Variants in ZNF773 observed in about 807,000 individuals in gnomAD.
ZNF773 encodes zinc finger protein 773, also known as zinc finger protein 419B.
A neutral mutation model predicts 12.8 loss-of-function variants in ZNF773; 11 were observed. That is an observed-to-expected ratio of 0.86 (90% CI 0.54 to 1.42). The LOEUF is 1.42. Ranked by LOEUF, ZNF773 falls within the 40% of genes most tolerant of loss-of-function variation. ZNF773 has a pLI of 0.00. For synonymous variants in ZNF773, 175 were observed against 178.4 expected (o/e 0.98, Z 0.15); for missense variants, 518 against 527.2 (o/e 0.98, Z 0.17).
chr19:57,515,235 A>G (rs7247249), downstream of ZNF773: 93,081 of 152,032 alleles, frequency 0.61, 28,985 homozygotes, highest in East Asian at 0.75. Context: ...CATATTTGCT[A>G]TCACACACAA....
At chr19:57,505,084 C>G in intron 2 of ZNF773, 1 of 709,622 alleles carries the variant, frequency 1.4e-6, no homozygotes, top group East Asian at 2.7e-5. Context: ...TGTGGTAGTT[C>G]TATTCCCCTA....
At chr19:57,509,382 C>A (rs2089778600), downstream of ZNF773, among the ~76,000 whole-genome samples, 1 of 152,088 alleles carries the variant, frequency 6.6e-6, no homozygotes, top group South Asian at 2.1e-4. Flanking sequence ...TGTGAGATAT[C>A]CTAGCAAGCA....
chr19:57,515,861 T>G (rs1305380765), downstream of ZNF773: 1 of 152,216 alleles, frequency 6.6e-6, no homozygotes, highest in Non-Finnish European at 1.5e-5. Context: ...AAAATTACAT[T>G]TAGCCTTATT....
In ZNF773 at chr19:57,506,848, CTG is replaced by C; in HGVS notation, c.756_757del (p.Cys252TrpfsTer5). On this transcript the variant is annotated frameshift_variant, in exon 4 of 4. Transcript: ENST00000282292. LOFTEE classifies it low-confidence loss of function (END_TRUNC). ...GAGAAAGGCCTTATGGGTGTAGTGACTGTGGAAAATCCTTTAGCCGTAATGCT... is the reference window on the plus strand; with the variant it reads ...GAGAAAGGCCTTATGGGTGTAGTGACTGGAAAATCCTTTAGCCGTAATGCT... ...TGERPYGCSD[C>X]GKSFSRNADL... 1.9e-6 allele frequency: 3 copies of C among 1,613,022 alleles called. No individual in the cohort carries two copies. The highest frequency in any genetic ancestry group is 8.5e-7 in the Non-Finnish European group (1 of 1,179,728).
chr19:57,506,564 C>G lies in ZNF773; in HGVS notation c.469C>G (p.Leu157Val). The G allele has an allele frequency of 6.2e-7, 1 of 1,614,210 alleles. No individual in the cohort carries two copies. Among genetic ancestry groups the G allele is most frequent in the Non-Finnish European group, 8.5e-7 (1 of 1,180,030 alleles). ...LQSREVGKDLLTSSGVLKHQV... is the reference protein window; with the variant it reads ...LQSREVGKDLVTSSGVLKHQV... ...AAGCAGGGAAGTTGGGAAGGATCTT[C>G]TGACCAGCTCAGGTGTTCTCAAGCA... The change falls in exon 4 of 4, where the codon CTG becomes GTG. Residue 157 changes from leucine (L) to valine (V), a missense_variant. By Grantham distance (32) the Leu-to-Val change is conservative. Coordinates refer to ENST00000282292, the MANE Select transcript of ZNF773 (RefSeq NM_198542.3).
downstream of ZNF773, chr19:57,517,794 T>C (rs1410468130): frequency 6.6e-6 from 1 of 152,234 alleles, no homozygotes; most frequent in African/African-American, 2.4e-5. Context: ...ATATTAATGA[T>C]TCACAAAGTA....
chr19:57,509,621 G>A (rs754424148), downstream of ZNF773, among the ~76,000 whole-genome samples: 31 of 152,108 alleles, frequency 2.0e-4, no homozygotes, highest in Non-Finnish European at 3.5e-4. Context: ...ACAAACTTAC[G>A]GTTTAAACAA....
downstream of ZNF773, among the ~76,000 whole-genome samples, chr19:57,509,939 A>G (rs1227892256): frequency 3.3e-5 from 5 of 152,228 alleles, no homozygotes; most frequent in African/African-American, 4.8e-5. Context: ...ACACTTCTGA[A>G]CTATATGAAA....
chr19:57,507,395 C>T lies in ZNF773; in HGVS notation c.1300C>T (p.Arg434Ter), dbSNP rs201643468. ...FRHSSSLVKH[R>*]RIHTGEIQ ...CCACAGCTCCAGTCTTGTTAAACATCGAAGGATTCACACTGGAGAAATACA... is the reference window on the plus strand; with the variant it reads ...CCACAGCTCCAGTCTTGTTAAACATTGAAGGATTCACACTGGAGAAATACA... The change falls in exon 4 of 4, where the codon CGA (arginine) becomes TGA (stop). Residue 434 changes from arginine to a stop codon, truncating the protein, a stop_gained. Transcript: ENST00000282292. LOFTEE classifies it low-confidence loss of function (END_TRUNC). 10 of 1,607,528 alleles carry T rather than the reference C, an allele frequency of 6.2e-6. No homozygotes were observed. The African/African-American group carries it at 6.7e-5, about 11-fold the overall frequency.
chr19:57,516,443 A>G (rs1236123749), downstream of ZNF773: 3 of 152,466 alleles, frequency 2.0e-5, no homozygotes, highest in Non-Finnish European at 4.4e-5. Flanking sequence ...ATATATCATG[A>G]TCAGGGAGCA....
chr19:57,503,652 G>A (rs2089693597), intron 1 of ZNF773, among the ~76,000 whole-genome samples: 2 of 145,604 alleles, frequency 1.4e-5, no homozygotes, highest in South Asian at 2.2e-4. Flanking sequence ...TTTGGGAGAC[G>A]TGGGCTTTTT....
At chr19:57,505,236 C>G (rs1323956067) in intron 2 of ZNF773, 66 bp from the exon 3 acceptor site, 1 of 1,500,300 alleles carries the variant, frequency 6.7e-7, no homozygotes, top group East Asian at 2.3e-5. Context: ...TGTTTTCTTT[C>G]CTGTGGTCCA....
chr19:57,505,585 C>G (rs1287547188), intron 3 of ZNF773, among the ~76,000 whole-genome samples, 185 bp downstream of exon 3: 1 of 152,160 alleles, frequency 6.6e-6, no homozygotes, highest in Non-Finnish European at 1.5e-5. Context: ...CATTCCCCAC[C>G]TCTCTGTACT....
In ZNF773 at chr19:57,504,653, T is replaced by C; in HGVS notation, c.34-4T>C. ...GCAGATAAACTCAACTCTGTCCATC[T>C]TAGCAGGGCTATGTGACCTTTGAGG... On this transcript the variant is annotated splice_region_variant and splice_polypyrimidine_tract_variant and intron_variant, in intron 1 of 3. Coordinates refer to ENST00000282292, the MANE Select transcript of ZNF773 (RefSeq NM_198542.3). The C allele has an allele frequency of 6.2e-7, 1 of 1,614,014 alleles. No individual in the cohort carries two copies. The highest frequency in any genetic ancestry group is 8.5e-7 in the Non-Finnish European group (1 of 1,179,944).
Position 57,506,470 on chromosome 19 carries a change from A to G in ZNF773, c.375A>G (p.Leu125=). The G allele has an allele frequency of 1.2e-6, 2 of 1,614,234 alleles. No individual in the cohort carries two copies. Among genetic ancestry groups the G allele is most frequent in the Non-Finnish European group, 1.7e-6 (2 of 1,180,040 alleles). The change falls in exon 4 of 4, where the codon TTA becomes TTG. Residue 125 remains leucine (L), a synonymous_variant. Transcript: ENST00000282292. ...HQKQHCGEKP[L]KRQEGRVPVL... ...AGCAGCACTGTGGAGAGAAACCCTTAAAAAGACAAGAGGGCAGGGTCCCAG... is the reference window on the plus strand; with the variant it reads ...AGCAGCACTGTGGAGAGAAACCCTTGAAAAGACAAGAGGGCAGGGTCCCAG...
At chr19:57,504,577 G>A (rs1435741404) in intron 1 of ZNF773, 80 bp from the exon 2 acceptor site, 3 of 1,582,110 alleles carry the variant, frequency 1.9e-6, no homozygotes, top group Non-Finnish European at 2.6e-6. Flanking sequence ...GGAAGAGGGT[G>A]AGCAGGGGTG....
downstream of ZNF773, among the ~76,000 whole-genome samples, chr19:57,512,687 A>T (rs1431571031): frequency 6.6e-6 from 1 of 152,160 alleles, no homozygotes; most frequent in Non-Finnish European, 1.5e-5. Context: ...GCAAACAACA[A>T]ACTAGTCTCA....
downstream of ZNF773, chr19:57,514,237 A>C (rs1213746327): frequency 6.6e-6 from 1 of 152,246 alleles, no homozygotes; most frequent in East Asian, 1.9e-4. Flanking sequence ...TCCCCATACC[A>C]GTACTTAGGC....
At chr19:57,512,121 C>T (rs2123283201), downstream of ZNF773, among the ~76,000 whole-genome samples, 1 of 152,208 alleles carries the variant, frequency 6.6e-6, no homozygotes, top group South Asian at 2.1e-4. Context: ...TTAAATAACA[C>T]AGGTTTGAAA....
Sources: allele counts gnomAD v4.1 joint callset (sites outside exome capture counted in the v4.1 genomes callset), GRCh38; gene constraint gnomAD v4.1.1; transcripts MANE v1.5; gene names NCBI Gene and HGNC (gene_info 2026-07-23, HGNC 2026-07-21).